INPP5F: variants seen among roughly 807,000 people sequenced by gnomAD.
The protein encoded by INPP5F is phosphatidylinositide 4-phosphatase SAC2.
A neutral mutation model predicts 137.2 loss-of-function variants in INPP5F; 97 were observed. The observed-to-expected ratio is 0.71, with a 90% confidence interval of 0.60 to 0.84. The LOEUF (loss-of-function observed/expected upper bound fraction) is 0.84, where lower values mean the gene tolerates loss of function less well. INPP5F is among the 40% of genes least tolerant of loss of function. The pLI is 0.00. For missense variants in INPP5F, 1,271 were observed against 1,371.9 expected, an observed-to-expected ratio of 0.93 and a Z score of 1.16; for synonymous variants, 504 against 476.9, an observed-to-expected ratio of 1.06 and a Z score of -0.74.
At chr10:119,781,443 TTATG>T (rs1765260243) in intron 2 of INPP5F, among the ~76,000 whole-genome samples, 188 bp from the exon 3 acceptor site, 1 of 152,256 alleles carries the variant, frequency 6.6e-6, no homozygotes, top group African/African-American at 2.4e-5. Context: ...ATTTCTCTAA[TTATG>T]AGTGAGATTG....
intron 1 of INPP5F, among the ~76,000 whole-genome samples, chr10:119,744,509 T>G (rs1848471390): frequency 6.8e-6 from 1 of 147,006 alleles, no homozygotes; most frequent in Non-Finnish European, 1.5e-5. Flanking sequence ...CATTTTTTTT[T>G]GTCATCTGTC....
At chr10:119,824,929 C>T (rs1406476904) in intron 19 of INPP5F, among the ~76,000 whole-genome samples, 1 of 152,150 alleles carries the variant, frequency 6.6e-6, no homozygotes, top group Non-Finnish European at 1.5e-5. Context: ...TCATAACTAC[C>T]ATTTAAATAG....
chr10:119,751,782 G>A (rs1030716223), intron 2 of INPP5F, among the ~76,000 whole-genome samples: 2 of 152,052 alleles, frequency 1.3e-5, no homozygotes, highest in African/African-American at 4.8e-5. Flanking sequence ...TTCTTTTTTG[G>A]TGCCTTACCC....
chr10:119,774,542 C>T (rs907836954), intron 2 of INPP5F, among the ~76,000 whole-genome samples: 6 of 151,370 alleles, frequency 4.0e-5, no homozygotes, highest in African/African-American at 1.5e-4. Context: ...CTATTTTGCC[C>T]AGGCTGATCT....
intron 2 of INPP5F, among the ~76,000 whole-genome samples, chr10:119,754,592 C>G (rs1848781889): frequency 6.6e-6 from 1 of 152,106 alleles, no homozygotes; most frequent in Non-Finnish European, 1.5e-5. Flanking sequence ...AATCCTTGGA[C>G]ATTTTTTTTC....
chr10:119,769,617 CG>C (rs369898955), intron 2 of INPP5F, among the ~76,000 whole-genome samples: 13 of 152,178 alleles, frequency 8.5e-5, no homozygotes, highest in African/African-American at 3.1e-4. Flanking sequence ...TGTTGAGGGC[CG>C]GAACAGAAGC....
At chr10:119,800,372 G>A (rs920703595) in intron 9 of INPP5F, among the ~76,000 whole-genome samples, 2 of 150,122 alleles carry the variant, frequency 1.3e-5, no homozygotes, top group African/African-American at 4.9e-5. Flanking sequence ...TGGTCAGCAT[G>A]GTGAAACCCT....
intron 10 of INPP5F, among the ~76,000 whole-genome samples, chr10:119,805,165 A>G (rs1850725045): frequency 6.6e-6 from 1 of 152,192 alleles, no homozygotes; most frequent in South Asian, 2.1e-4. Flanking sequence ...TGTCTGTAGT[A>G]TGTTTTAATG....
At chr10:119,749,741 A>C (rs1848638004) in intron 1 of INPP5F, among the ~76,000 whole-genome samples, 1 of 152,206 alleles carries the variant, frequency 6.6e-6, no homozygotes, top group South Asian at 2.1e-4. Context: ...AGAAATGATA[A>C]TGTATTATAA....
rs148795588 is a variant in INPP5F, at chr10:119,824,452, T to C, written c.2249+550T>C. Among the ~76,000 whole-genome samples the C allele has an allele frequency of 7.0e-3, 1,070 of 152,298 alleles. 11 individuals carry two copies. The highest frequency in any genetic ancestry group is 0.025 in the African/African-American group (1,021 of 41,560). ...GTCCAGTGTTCTTTCCTGATGAAGC[T>C]AAGGTTATGCATGGTCAGGAAGGAC... is the stretch of plus-strand genomic sequence containing the variant. On this transcript the variant is annotated intron_variant, in intron 19 of 19. Coordinates refer to ENST00000650623, the MANE Select transcript of INPP5F (RefSeq NM_014937.4).
chr10:119,751,978 G>C (rs968786370), intron 2 of INPP5F, among the ~76,000 whole-genome samples: 2 of 152,098 alleles, frequency 1.3e-5, no homozygotes, highest in African/African-American at 4.8e-5. Flanking sequence ...TTTTTCCTTT[G>C]GTATCAATTT....
Position 119,726,370 on chromosome 10 carries a change from C to T in INPP5F, c.97+11C>T, listed in dbSNP as rs1410066317. 4.5e-6 allele frequency: 6 copies of T among 1,320,356 alleles called. No individual in the cohort carries two copies. Among genetic ancestry groups the T allele is most frequent in the South Asian group, 1.9e-5 (1 of 51,412 alleles). 81.8% of individuals were successfully genotyped at this position (1,320,356 alleles called of 1,614,324 possible). A position where few individuals can be genotyped will look rare whatever the true frequency, so the allele number is the denominator to read the frequency against. On this transcript the variant is annotated intron_variant, in intron 1 of 19. Coordinates refer to ENST00000650623, the MANE Select transcript of INPP5F (RefSeq NM_014937.4). The stretch of plus-strand genomic sequence containing the variant: ...TCCAGCTCCGACCCGGTGAGGCTGG[C>T]GGTGCGGGCGGGGGGCACCCCGGGC...
chr10:119,801,998 C>T (rs1850610606), intron 9 of INPP5F, among the ~76,000 whole-genome samples: 1 of 152,102 alleles, frequency 6.6e-6, no homozygotes. Flanking sequence ...AATTACTTTC[C>T]AGGGCGTTGG....
intron 19 of INPP5F, chr10:119,826,085 G>C (rs1175679767): frequency 2.5e-6 from 1 of 397,848 alleles, no homozygotes; most frequent in Non-Finnish European, 4.4e-6. Flanking sequence ...CTGAATTTGA[G>C]CCACACTGGG....
chr10:119,762,388 C>T (rs1279369843), intron 2 of INPP5F, among the ~76,000 whole-genome samples: 3 of 152,076 alleles, frequency 2.0e-5, no homozygotes, highest in Non-Finnish European at 4.4e-5. Context: ...AGGGAGCTCT[C>T]CTGGGTCTCT....
chr10:119,781,589 T>C, intron 2 of INPP5F, 46 bp from the exon 3 acceptor site: 1 of 1,553,206 alleles, frequency 6.4e-7, no homozygotes, highest in Non-Finnish European at 8.8e-7. Flanking sequence ...GTCAGAACAG[T>C]AGCACTCTAA....
At chr10:119,759,280 C>G (rs1008739157) in intron 2 of INPP5F, among the ~76,000 whole-genome samples, 2 of 152,200 alleles carry the variant, frequency 1.3e-5, no homozygotes, top group African/African-American at 4.8e-5. Context: ...CTTGGCCTTT[C>G]AAAGTGCTGG....
chr10:119,739,407 A>G (rs1848308421), intron 1 of INPP5F, among the ~76,000 whole-genome samples: 2 of 152,220 alleles, frequency 1.3e-5, no homozygotes, highest in Admixed American at 6.5e-5. Flanking sequence ...AACTTCAAAA[A>G]CAATAAAAAC....
intron 1 of INPP5F, among the ~76,000 whole-genome samples, chr10:119,732,811 A>G (rs1330621396): frequency 2.0e-5 from 3 of 152,184 alleles, no homozygotes. Context: ...CTGTAATCTC[A>G]GCTGCAACTG....
Sources: gnomAD v4.1 joint callset for allele counts (sites outside exome capture counted in the v4.1 genomes callset) on GRCh38, gnomAD v4.1.1 for gene constraint, MANE v1.5 for transcripts, NCBI Gene and HGNC (gene_info 2026-07-23, HGNC 2026-07-21) for gene names.